The following VWF variants were observed in gnomAD, a reference collection of about 807,000 sequenced individuals.
VWF encodes von Willebrand factor, also known as Factor VIII related antigen.
VWF carries 176 observed loss-of-function variants against 308.6 expected under a neutral mutation model. The observed-to-expected ratio is 0.57, with a 90% CI of 0.50 to 0.65. The LOEUF (loss-of-function observed/expected upper bound fraction) is 0.65. VWF is among the 30% of genes least tolerant of loss of function. VWF has a pLI of 0.00. For synonymous variants in VWF, 1,385 were observed against 1,443.4 expected (o/e 0.96, Z 0.92); for missense variants, 3,146 against 3,648.2 (o/e 0.86, Z 3.55).
At chr12:6,030,631 C>A (rs1412721416) in intron 21 of VWF, among the ~76,000 whole-genome samples, 1 of 152,184 alleles carries the variant, frequency 6.6e-6, no homozygotes, top group Non-Finnish European at 1.5e-5. Flanking sequence ...TTCTAGGAGC[C>A]ACATTTTAAA....
chr12:5,995,488 C>A (rs1565823386), intron 35 of VWF, among the ~76,000 whole-genome samples: 1 of 152,122 alleles, frequency 6.6e-6, no homozygotes, highest in African/African-American at 2.4e-5. Flanking sequence ...TCTACACGAA[C>A]AAGTAAAGAA....
intron 44 of VWF, among the ~76,000 whole-genome samples, chr12:5,971,161 T>A (rs1943468772): frequency 6.6e-6 from 1 of 152,100 alleles, no homozygotes. Context: ...CTTTTCTGGG[T>A]TGTAAAGGTT....
intron 47 of VWF, among the ~76,000 whole-genome samples, chr12:5,964,150 G>A (rs978548330): frequency 6.6e-6 from 1 of 151,090 alleles, no homozygotes; most frequent in South Asian, 2.1e-4. Flanking sequence ...CTGGGAGGCG[G>A]GGCTTGCAGT....
In VWF at chr12:6,121,263, T is replaced by G. The variant is rs1012488531; in HGVS notation, c.131A>C (p.Asn44Thr). 6.2e-7 allele frequency: 1 copy of G among 1,614,216 alleles called. No individual in the cohort carries two copies. Among genetic ancestry groups the G allele is most frequent in the South Asian group, 1.1e-5 (1 of 91,088 alleles). Residue 44 changes from asparagine (N) to threonine (T), a missense_variant, in exon 3 of 52, where the codon AAC becomes ACC. Asn to Thr is a moderately conservative substitution (Grantham distance 65, BLOSUM62 0). Coordinates refer to ENST00000261405, the MANE Select transcript of VWF (RefSeq NM_000552.5). ...GCTGTACATGCTCCCATCAAAGGTGTTGACGAAGTCACTTCCGAAAAGGCT... is the reference window on the plus strand; with the variant it reads ...GCTGTACATGCTCCCATCAAAGGTGGTGACGAAGTCACTTCCGAAAAGGCT... ...RCSLFGSDFV[N>T]TFDGSMYSFA...
At chr12:5,960,676 C>T (rs1481522380) in intron 47 of VWF, among the ~76,000 whole-genome samples, 1 of 152,164 alleles carries the variant, frequency 6.6e-6, no homozygotes, top group African/African-American at 2.4e-5. Flanking sequence ...GAAAGGTTGG[C>T]TCACCATTTG....
intron 16 of VWF, among the ~76,000 whole-genome samples, chr12:6,048,087 T>G (rs1398341160): frequency 6.6e-6 from 1 of 152,274 alleles, no homozygotes; most frequent in Non-Finnish European, 1.5e-5. Context: ...TCCAGATGTC[T>G]AATTTTTCCA....
At position 5,996,537 on chromosome 12, in the gene VWF, C is replaced by T. The variant is rs374645117; in HGVS notation, c.5843-315G>A. On this transcript the variant is annotated intron_variant, in intron 34 of 51. Transcript: ENST00000261405. ...GTGAATAATCCATTCTACAGGGATG[C>T]CTTGGCCCAGAAAACAAAGTTAAGT... Among the ~76,000 whole-genome samples, 47 of 152,156 alleles carry T rather than the reference C, an allele frequency of 3.1e-4. No individual in the cohort carries two copies. In the South Asian group the frequency reaches 9.2e-3, roughly 30 times the overall value.
At chr12:5,993,228 A>G (rs1368720549) in intron 37 of VWF, among the ~76,000 whole-genome samples, 1 of 151,800 alleles carries the variant, frequency 6.6e-6, no homozygotes, top group East Asian at 1.9e-4. Flanking sequence ...TATTCTTTTC[A>G]CTCCAGCACC....
chr12:6,095,144 C>T (rs1334181197), intron 6 of VWF: 1 of 374,554 alleles, frequency 2.7e-6, no homozygotes, highest in African/African-American at 2.1e-5. Context: ...ATGCTGGTAC[C>T]TTGATTTTGG....
intron 5 of VWF, among the ~76,000 whole-genome samples, chr12:6,109,220 CACACACACAG>C (rs1945276595): frequency 6.6e-6 from 1 of 151,664 alleles, no homozygotes; most frequent in Non-Finnish European, 1.5e-5. Context: ...TCTCTAAATA[CACACACACAG>C]AGACACACAG....
intron 16 of VWF, among the ~76,000 whole-genome samples, chr12:6,050,185 C>A (rs1002100915): frequency 1.3e-5 from 2 of 152,154 alleles, no homozygotes; most frequent in South Asian, 2.1e-4. Flanking sequence ...GCTGTTCTTG[C>A]GTCACTGTCC....
intron 47 of VWF, among the ~76,000 whole-genome samples, chr12:5,964,300 A>ATACATACAT (rs1267334614): frequency 6.6e-6 from 1 of 152,072 alleles, no homozygotes; most frequent in African/African-American, 2.4e-5. Context: ...ACATACATAC[A>ATACATACAT]AAAAGCTACC....
chr12:5,989,197 T>C (rs559208395), intron 38 of VWF, among the ~76,000 whole-genome samples: 2 of 152,340 alleles, frequency 1.3e-5, no homozygotes, highest in South Asian at 4.1e-4. Flanking sequence ...TCTTGGTCCC[T>C]TCTGATCCTA....
chr12:6,015,367 CTCAGGAAGAACA>C (rs1944043839), intron 31 of VWF, among the ~76,000 whole-genome samples: 1 of 152,026 alleles, frequency 6.6e-6, no homozygotes, highest in African/African-American at 2.4e-5. Context: ...AAATAACTTC[CTCAGGAAGAACA>C]TCAGGAAGAC....
intron 15 of VWF, among the ~76,000 whole-genome samples, chr12:6,053,979 C>G (rs2136450926): frequency 6.6e-6 from 1 of 152,230 alleles, no homozygotes; most frequent in Admixed American, 6.5e-5. Flanking sequence ...AGCATTCTGC[C>G]CTTTCAAAAT....
chr12:5,954,585 G>T (rs1943227717), intron 47 of VWF, among the ~76,000 whole-genome samples: 1 of 152,070 alleles, frequency 6.6e-6, no homozygotes, highest in Admixed American at 6.5e-5. Context: ...GTTTGGAACT[G>T]CTAGAATAGC....
intron 15 of VWF, among the ~76,000 whole-genome samples, chr12:6,054,855 T>A (rs566512103): frequency 6.6e-6 from 1 of 152,166 alleles, no homozygotes; most frequent in Non-Finnish European, 1.5e-5. Context: ...AAAGTGGAAG[T>A]GGGTAGAGGG....
intron 5 of VWF, among the ~76,000 whole-genome samples, chr12:6,103,076 C>T (rs1945183774): frequency 6.6e-6 from 1 of 152,006 alleles, no homozygotes; most frequent in African/African-American, 2.4e-5. Flanking sequence ...GCCTGTAATC[C>T]CAGCACTTTG....
At chr12:6,072,569 G>T in intron 8 of VWF, 127 bp from the exon 9 acceptor site, 1 of 774,902 alleles carries the variant, frequency 1.3e-6, no homozygotes, top group Non-Finnish European at 2.2e-6. Context: ...GTTCTGTGGT[G>T]TTTATCTTTC....
Sources: gnomAD v4.1 joint callset for allele counts (sites outside exome capture counted in the v4.1 genomes callset) on GRCh38, gnomAD v4.1.1 for gene constraint, MANE v1.5 for transcripts, NCBI Gene and HGNC (gene_info 2026-07-23, HGNC 2026-07-21) for gene names.